The following PDE10A variants were observed in gnomAD, a reference collection of about 807,000 sequenced individuals.
PDE10A encodes phosphodiesterase 10A, also known as cAMP and cAMP-inhibited cGMP 3',5'-cyclic phosphodiesterase 10A.
PDE10A carries 39 observed loss-of-function variants against 97.7 expected under a neutral mutation model. That is an observed-to-expected ratio of 0.40 (90% confidence interval 0.31 to 0.52). PDE10A has a LOEUF of 0.52. Ranked by LOEUF, PDE10A falls within the 20% of genes least tolerant of loss-of-function variation. The pLI is 0.56. For missense variants in PDE10A, 731 were observed against 1,047.8 expected, an observed-to-expected ratio of 0.70 and a Z score of 4.17; for synonymous variants, 371 against 376.8, an observed-to-expected ratio of 0.98 and a Z score of 0.18.
intron 1 of PDE10A, among the ~76,000 whole-genome samples, chr6:165,809,447 G>A (rs1779222079): frequency 6.6e-6 from 1 of 152,154 alleles, no homozygotes; most frequent in Non-Finnish European, 1.5e-5. Context: ...CCTCCACTCA[G>A]CATGCTTTGG....
At chr6:165,847,877 AT>A (rs975794343) in intron 1 of PDE10A, among the ~76,000 whole-genome samples, 2 of 152,212 alleles carry the variant, frequency 1.3e-5, no homozygotes, top group African/African-American at 4.8e-5. Flanking sequence ...TGCTGCTTTC[AT>A]TTTACTGGAT....
At chr6:165,962,064 C>T (rs988910127) in intron 1 of PDE10A, among the ~76,000 whole-genome samples, 5 of 152,336 alleles carry the variant, frequency 3.3e-5, no homozygotes, top group African/African-American at 1.2e-4. Context: ...ACGAGGAAAT[C>T]GAGGCTCAGA....
At position 165,329,983 on chromosome 6, in the gene PDE10A, C is replaced by A. The variant is rs1010406021; in HGVS notation, c.*3042G>T. On this transcript the variant is annotated 3_prime_UTR_variant, in exon 22 of 22. Coordinates refer to ENST00000539869, the MANE Select transcript of PDE10A (RefSeq NM_001385079.1). The stretch of plus-strand genomic sequence containing the variant: ...TCCACATCCATTGTATTTCTTTTGA[C>A]CCTTTTCTAATTAATCAATTCACAT... 6.6e-6 allele frequency: 1 copy of A among 152,132 alleles called. No individual in the cohort carries two copies. Among genetic ancestry groups the A allele is most frequent in the African/African-American group, 2.4e-5 (1 of 41,436 alleles). The allele number at this position is 152,132 out of a possible 1,614,324, so 9.4% of individuals were successfully genotyped here.
intron 1 of PDE10A, among the ~76,000 whole-genome samples, chr6:165,975,866 C>T (rs908144734): frequency 1.1e-4 from 16 of 152,172 alleles, no homozygotes; most frequent in African/African-American, 2.9e-4. Flanking sequence ...TGTTTTTTAA[C>T]GATATTGCGT....
chr6:165,418,772 A>G lies in PDE10A; in HGVS notation c.1659T>C (p.Tyr553=), dbSNP rs2128230569. Residue 553 remains tyrosine (Y), a synonymous_variant, in exon 11 of 22, where the codon TAT becomes TAC. Coordinates refer to ENST00000539869, the MANE Select transcript of PDE10A (RefSeq NM_001385079.1). This position sits in a 1 kb window ranked among gnomAD's most constrained non-coding sequence, Gnocchi z 4.8. ...IDSLLEHIMI[Y]AKNLVNADRC... ...GATCGGCATTCACCAGGTTTTTTGCATATATCTAAAGACAAATGACAAAAT... is the reference window on the plus strand; with the variant it reads ...GATCGGCATTCACCAGGTTTTTTGCGTATATCTAAAGACAAATGACAAAAT... 1.2e-6 allele frequency: 2 copies of G among 1,613,026 alleles called. No homozygotes were observed. The highest frequency in any genetic ancestry group is 1.1e-5 in the South Asian group (1 of 91,048).
intron 3 of PDE10A, among the ~76,000 whole-genome samples, chr6:165,462,629 T>G (rs1225760672): frequency 1.3e-5 from 2 of 152,094 alleles, no homozygotes; most frequent in Non-Finnish European, 2.9e-5. Context: ...TCCCCAACTG[T>G]CACGAGCAAC....
chr6:165,871,094 T>G (rs1322664658), intron 1 of PDE10A, among the ~76,000 whole-genome samples: 1 of 152,208 alleles, frequency 6.6e-6, no homozygotes, highest in Non-Finnish European at 1.5e-5. Context: ...GAAGAGAAGA[T>G]TTGAAATGAT....
At chr6:165,527,186 CAAG>C (rs1782497059) in intron 2 of PDE10A, among the ~76,000 whole-genome samples, 1 of 152,204 alleles carries the variant, frequency 6.6e-6, no homozygotes, top group South Asian at 2.1e-4. Flanking sequence ...CTCCTACAAC[CAAG>C]AAGGAGGCAC....
chr6:165,436,816 A>G (rs1790050979), intron 5 of PDE10A, among the ~76,000 whole-genome samples: 1 of 152,232 alleles, frequency 6.6e-6, no homozygotes, highest in Non-Finnish European at 1.5e-5. Context: ...CATGGCATAG[A>G]GTAAGACTAT....
At position 165,662,011 on chromosome 6, in the gene PDE10A, C is replaced by T; in HGVS notation, c.801G>A (p.Met267Ile). ...TCGCATTATTAGAAGGTCCATCTTC[C>T]ATGTCGGAGCCGAAGAGCAGCGCGG... is the stretch of plus-strand genomic sequence containing the variant. ...AAAALLFGSD[M>I]EDGPSNNASC... The change falls in exon 1 of 22, where the codon ATG becomes ATA. Residue 267 changes from methionine (M) to isoleucine (I), a missense_variant. Coordinates refer to ENST00000539869, the MANE Select transcript of PDE10A (RefSeq NM_001385079.1). The T allele has an allele frequency of 6.7e-7, 1 of 1,495,566 alleles. No individual in the cohort carries two copies. Among genetic ancestry groups the T allele is most frequent in the East Asian group, 2.6e-5 (1 of 37,884 alleles). The allele number at this position is 1,495,566 out of a possible 1,614,324, so 92.6% of individuals were successfully genotyped here.
intron 2 of PDE10A, among the ~76,000 whole-genome samples, chr6:165,484,899 C>T (rs1779812730): frequency 6.6e-6 from 1 of 152,156 alleles, no homozygotes; most frequent in South Asian, 2.1e-4. Context: ...AGCCCACAAG[C>T]CAACCCTAGC....
intron 19 of PDE10A, among the ~76,000 whole-genome samples, chr6:165,340,534 A>G (rs1052576623): frequency 2.6e-5 from 4 of 152,258 alleles, no homozygotes; most frequent in South Asian, 2.1e-4. Context: ...CTCTATCCAA[A>G]GTGAGTGAGA....
intron 1 of PDE10A, among the ~76,000 whole-genome samples, chr6:165,743,779 G>A (rs751333045): frequency 9.9e-5 from 15 of 152,248 alleles, no homozygotes; most frequent in Admixed American, 6.5e-4. Context: ...GACATGTTCC[G>A]ACTCCCTGTC....
In PDE10A at chr6:165,415,776, C is replaced by T. The variant is rs1046874878; in HGVS notation, c.1889+413G>A. ...GTTGAGAGCTAAGAAATGACAGAAC[C>T]GTGCTTCAAAGCTAGACCTACTCAT... On this transcript the variant is annotated intron_variant, in intron 12 of 21. Transcript: ENST00000539869. Among the ~76,000 whole-genome samples the T allele has an allele frequency of 8.6e-5, 13 of 152,036 alleles. No individual in the cohort carries two copies. In the East Asian group the frequency reaches 1.5e-3, roughly 18 times the overall value.
chr6:165,979,274 C>T (rs1784939605), intron 1 of PDE10A, among the ~76,000 whole-genome samples: 1 of 152,154 alleles, frequency 6.6e-6, no homozygotes, highest in Non-Finnish European at 1.5e-5. Flanking sequence ...AGGGAAGGAG[C>T]ACGTGGGCTT....
At chr6:165,653,365 C>T (rs1379307232) in intron 1 of PDE10A, among the ~76,000 whole-genome samples, 2 of 152,152 alleles carry the variant, frequency 1.3e-5, no homozygotes, top group Non-Finnish European at 2.9e-5. Context: ...GATGGAAGCA[C>T]GGATGAGCGG....
chr6:165,904,074 A>G (rs990138349), intron 1 of PDE10A, among the ~76,000 whole-genome samples: 1 of 152,234 alleles, frequency 6.6e-6, no homozygotes, highest in East Asian at 1.9e-4. Context: ...GTAGGGCAGT[A>G]ACTGGAGAGA....
At chr6:165,462,404 T>G (rs1482154800) in intron 3 of PDE10A, among the ~76,000 whole-genome samples, 1 of 152,146 alleles carries the variant, frequency 6.6e-6, no homozygotes, top group African/African-American at 2.4e-5. Context: ...AACAACCGAT[T>G]TGGTGGAGAG....
intron 1 of PDE10A, among the ~76,000 whole-genome samples, chr6:165,696,674 G>T (rs1320136545): frequency 6.6e-6 from 1 of 152,060 alleles, no homozygotes; most frequent in Non-Finnish European, 1.5e-5. Context: ...GGAGAAAAAG[G>T]CAAAAAACAA....
Sources: gnomAD v4.1 joint callset for allele counts (sites outside exome capture counted in the v4.1 genomes callset) on GRCh38, gnomAD v4.1.1 for gene constraint, Gnocchi (gnomAD v3.1) non-coding constraint, MANE v1.5 for transcripts, NCBI Gene and HGNC (gene_info 2026-07-23, HGNC 2026-07-21) for gene names.